Variants in NCKAP1L observed in about 807,000 individuals in gnomAD.
NCKAP1L encodes the protein nck-associated protein 1-like.
Under a neutral mutation model 139.2 loss-of-function variants are expected in NCKAP1L, and 53 were observed. The ratio of observed to expected loss-of-function variants is 0.38; its 90% confidence interval spans 0.31 to 0.48. NCKAP1L has a LOEUF of 0.48. Ranked by LOEUF, NCKAP1L falls within the 20% of genes least tolerant of loss-of-function variation. The pLI is 0.98. For missense variants in NCKAP1L, 1,151 were observed against 1,381.9 expected, an observed-to-expected ratio of 0.83 and a Z score of 2.65; for synonymous variants, 468 against 499.7, an observed-to-expected ratio of 0.94 and a Z score of 0.85.
At chr12:54,526,231 G>A (rs1478941661) in intron 20 of NCKAP1L, among the ~76,000 whole-genome samples, 1 of 152,186 alleles carries the variant, frequency 6.6e-6, no homozygotes, top group Non-Finnish European at 1.5e-5. Flanking sequence ...TTCTCCAGAG[G>A]AGGAAGAAAA....
At chr12:54,525,882 G>C (rs1957022033) in intron 20 of NCKAP1L, among the ~76,000 whole-genome samples, 1 of 152,162 alleles carries the variant, frequency 6.6e-6, no homozygotes, top group Non-Finnish European at 1.5e-5. Context: ...ACTTGGGGGA[G>C]GTATTTTGAA....
chr12:54,505,182 C>T lies in NCKAP1L; in HGVS notation c.307-2671C>T, dbSNP rs181860808. Among the ~76,000 whole-genome samples the T allele has an allele frequency of 1.6e-3, 241 of 152,324 alleles. 5 individuals carry two copies. The highest frequency in any genetic ancestry group is 5.6e-4 in the Non-Finnish European group (38 of 68,028). ...TGTCACCCGGCTCCCCGCCACATTG[C>T]GGAAACAAGCATGGAGACGGGGCAC... On this transcript the variant is annotated intron_variant, in intron 3 of 30. Transcript: ENST00000293373.
At position 54,545,924 on chromosome 12, in the gene NCKAP1L, G is replaced by A. The variant is rs1318764494; in HGVS notation, c.*3239G>A. ...ATGGTGTTCAATCCAGTTGGCAGGT[G>A]GGCCAGCTTCAAAGTGCAGAAGGAA... On this transcript the variant is annotated 3_prime_UTR_variant, in exon 31 of 31. Coordinates refer to ENST00000293373, the MANE Select transcript of NCKAP1L (RefSeq NM_005337.5). 6.6e-6 allele frequency: 1 copy of A among 152,192 alleles called. No homozygotes were observed. The highest frequency in any genetic ancestry group is 1.5e-5 in the Non-Finnish European group (1 of 68,054). 9.4% of individuals were successfully genotyped at this position (152,192 alleles called of 1,614,324 possible).
Position 54,497,822 on chromosome 12 carries a change from A to G in NCKAP1L, c.33A>G (p.Leu11=). 1.2e-6 allele frequency: 2 copies of G among 1,613,678 alleles called. No homozygotes were observed. Among genetic ancestry groups the G allele is most frequent in the Non-Finnish European group, 1.7e-6 (2 of 1,179,560 alleles). The change falls in exon 1 of 31, where the codon TTA becomes TTG. Residue 11 remains leucine, a synonymous_variant. Transcript: ENST00000293373. ...TGACATCTGCTTACCAGCATAAATT[A>G]GCAGAGAAGCTCACTATCCTGAATG... MSLTSAYQHK[L]AEKLTILNDR...
chr12:54,508,836 C>T (rs749026854), intron 5 of NCKAP1L, among the ~76,000 whole-genome samples: 4 of 152,000 alleles, frequency 2.6e-5, no homozygotes, highest in Non-Finnish European at 4.4e-5. Flanking sequence ...GTGTGGGTTC[C>T]GCAGCACTGA....
chr12:54,528,754 T>C (rs988469025), intron 22 of NCKAP1L, among the ~76,000 whole-genome samples: 22 of 151,808 alleles, frequency 1.4e-4, no homozygotes, highest in African/African-American at 4.8e-4. Context: ...GCCTCCCGAA[T>C]AGCTGGGACT....
intron 25 of NCKAP1L, 119 bp downstream of exon 25, chr12:54,531,944 G>T: frequency 1.1e-6 from 1 of 902,018 alleles, no homozygotes; most frequent in Non-Finnish European, 1.7e-6. Flanking sequence ...AGAAGGGGTT[G>T]GTGAGCATTG....
In NCKAP1L at chr12:54,499,369, C is replaced by G. The variant is rs1377190210; in HGVS notation, c.117C>G (p.Pro39=). The G allele has an allele frequency of 6.2e-7, 1 of 1,605,336 alleles. No homozygotes were observed. Among genetic ancestry groups the G allele is most frequent in the South Asian group, 1.1e-5 (1 of 90,902 alleles). ...MYNIKKTCSD[P]KSKPPFLLEK... ...TCTCTCTGCAGACTTGTTCAGACCC[C>G]AAATCTAAGCCACCTTTCTTACTGG... The change falls in exon 2 of 31, where the codon CCC becomes CCG. Residue 39 remains proline (P), a synonymous_variant. Coordinates refer to ENST00000293373, the MANE Select transcript of NCKAP1L (RefSeq NM_005337.5).
Position 54,498,853 on chromosome 12 carries a change from A to G in NCKAP1L, c.103-502A>G, listed in dbSNP as rs1048178102. On this transcript the variant is annotated intron_variant, in intron 1 of 30. Transcript: ENST00000293373. Reference sequence around the variant, plus strand: ...ATGCCTAGGTTGTTATTTCGCTCTTAGATACTTGGCTTAATGTCTTGGAAT... The same window carrying G: ...ATGCCTAGGTTGTTATTTCGCTCTTGGATACTTGGCTTAATGTCTTGGAAT... The G allele has an allele frequency of 8.1e-6, 8 of 981,808 alleles. 1 individual carries two copies. In the South Asian group the frequency reaches 3.8e-4, roughly 46 times the overall value. 60.8% of individuals were successfully genotyped at this position (981,808 alleles called of 1,614,324 possible).
chr12:54,527,153 C>T (rs541015163), intron 21 of NCKAP1L, among the ~76,000 whole-genome samples: 1 of 152,306 alleles, frequency 6.6e-6, no homozygotes, highest in African/African-American at 2.4e-5. Flanking sequence ...GGAACGTCTC[C>T]TTGTCCCCAG....
Position 54,509,670 on chromosome 12 carries a change from G to T in NCKAP1L, c.508G>T (p.Asp170Tyr). 6.2e-7 allele frequency: 1 copy of T among 1,612,310 alleles called. No homozygotes were observed. Among genetic ancestry groups the T allele is most frequent in the South Asian group, 1.1e-5 (1 of 91,006 alleles). Residue 170 changes from aspartate to tyrosine, a missense_variant and splice_region_variant, in exon 6 of 31, where the codon GAC (aspartate) becomes TAC (tyrosine). Asp to Tyr is a radical substitution (Grantham distance 160). Transcript: ENST00000293373. ...CCCCTCTCCTCTGCTTTCTTCTAGTGACCCCAGTTTTGCCCGTCTGGGTCA... is the reference window on the plus strand; with the variant it reads ...CCCCTCTCCTCTGCTTTCTTCTAGTTACCCCAGTTTTGCCCGTCTGGGTCA... ...CAHEMLHGHG[D>Y]PSFARLGQMV... is the part of the protein sequence containing the mutation.
At position 54,500,643 on chromosome 12, in the gene NCKAP1L, G is replaced by A. The variant is rs1460808878; in HGVS notation, c.306+18G>A. Reference sequence around the variant, plus strand: ...AATTTCGGGTGAGCTCTCTTGAGCCGTTTCCAATGTAGGCAAGGTCTTTCA... The same window carrying A: ...AATTTCGGGTGAGCTCTCTTGAGCCATTTCCAATGTAGGCAAGGTCTTTCA... On this transcript the variant is annotated intron_variant, in intron 3 of 30. Coordinates refer to ENST00000293373, the MANE Select transcript of NCKAP1L (RefSeq NM_005337.5). 1.1e-5 allele frequency: 16 copies of A among 1,493,612 alleles called. No individual in the cohort carries two copies. The highest frequency in any genetic ancestry group is 5.0e-5 in the Admixed American group (3 of 59,642). The allele number at this position is 1,493,612 out of a possible 1,614,324, so 92.5% of individuals were successfully genotyped here. A position where few individuals can be genotyped will look rare whatever the true frequency, so the allele number is the denominator to read the frequency against.
At chr12:54,523,696 G>A (rs1261145780) in intron 19 of NCKAP1L, 129 bp from the exon 20 acceptor site, 4 of 1,445,268 alleles carry the variant, frequency 2.8e-6, no homozygotes, top group African/African-American at 1.4e-5. Flanking sequence ...CTTTGCCTTT[G>A]AAGTCTACAT....
intron 18 of NCKAP1L, among the ~76,000 whole-genome samples, chr12:54,522,796 G>A (rs192647078): frequency 6.6e-6 from 1 of 152,284 alleles, no homozygotes; most frequent in East Asian, 1.9e-4. Context: ...CACCCTGAAG[G>A]AGATGTCTGA....
chr12:54,502,086 TTG>T (rs1956802673), intron 3 of NCKAP1L, among the ~76,000 whole-genome samples: 1 of 152,196 alleles, frequency 6.6e-6, no homozygotes, highest in Non-Finnish European at 1.5e-5. Flanking sequence ...ATTGGATTTT[TTG>T]TGTGTGTTGA....
At chr12:54,533,257 T>A (rs1957087263) in intron 26 of NCKAP1L, among the ~76,000 whole-genome samples, 1 of 152,152 alleles carries the variant, frequency 6.6e-6, no homozygotes, top group African/African-American at 2.4e-5. Context: ...CCTGGGTAGC[T>A]CCAATCTTTA....
In NCKAP1L at chr12:54,526,662, G is replaced by T; in HGVS notation, c.2291G>T (p.Arg764Ile). ...CAGTTTTTGGGTGCAGATGCTTCCA[G>T]AGTCATCCGCAACGCCCTCCTGCAG... The part of the protein sequence containing the change: ...LAQFLGADAS[R>I]VIRNALLQQT... The change falls in exon 21 of 31, where the codon AGA becomes ATA. Residue 764 changes from arginine to isoleucine, a missense_variant. Arg to Ile is a moderately conservative substitution (Grantham distance 97). Coordinates refer to ENST00000293373, the MANE Select transcript of NCKAP1L (RefSeq NM_005337.5). 1 of 1,614,124 alleles carries T rather than the reference G, an allele frequency of 6.2e-7. No individual in the cohort carries two copies. Among genetic ancestry groups the T allele is most frequent in the Non-Finnish European group, 8.5e-7 (1 of 1,180,020 alleles).
At chr12:54,498,502 T>C (rs1956769218) in intron 1 of NCKAP1L, among the ~76,000 whole-genome samples, 2 of 150,898 alleles carry the variant, frequency 1.3e-5, no homozygotes, top group African/African-American at 2.4e-5. Flanking sequence ...GGGCAAACCA[T>C]AGGAAGTAAA....
rs554100275 is a variant in NCKAP1L at position 54,547,407 on chromosome 12, C to T, written c.*4722C>T. 42 of 152,070 alleles carry T rather than the reference C, an allele frequency of 2.8e-4. No homozygotes were observed. The highest frequency in any genetic ancestry group is 9.4e-4 in the African/African-American group (39 of 41,462). 9.4% of individuals were successfully genotyped at this position (152,070 alleles called of 1,614,324 possible). A position where few individuals can be genotyped will look rare whatever the true frequency, so the allele number is the denominator to read the frequency against. On this transcript the variant is annotated 3_prime_UTR_variant, in exon 31 of 31. Coordinates refer to ENST00000293373, the MANE Select transcript of NCKAP1L (RefSeq NM_005337.5). Reference sequence around the variant, plus strand: ...TTTTATTTTTACTTTTTCCATCAAACTGTGTTGTCTATGAAGTTTTCCCAT... The same window carrying T: ...TTTTATTTTTACTTTTTCCATCAAATTGTGTTGTCTATGAAGTTTTCCCAT...
Sources: allele counts gnomAD v4.1 joint callset (sites outside exome capture counted in the v4.1 genomes callset), GRCh38; gene constraint gnomAD v4.1.1; transcripts MANE v1.5; gene names NCBI Gene and HGNC (gene_info 2026-07-23, HGNC 2026-07-21).